MACROD2: variants seen among roughly 807,000 people sequenced by gnomAD.
The protein encoded by MACROD2 is mono-ADP ribosylhydrolase 2.
In MACROD2, 36 loss-of-function variants were observed where a neutral mutation model predicts 70.4. The observed-to-expected ratio is 0.51, with a 90% CI of 0.39 to 0.68. The LOEUF (loss-of-function observed/expected upper bound fraction) is 0.68. Ranked by LOEUF, MACROD2 falls within the 30% of genes least tolerant of loss-of-function variation. The probability of loss-of-function intolerance (pLI) is 0.00; values close to 1 mark genes in which losing one functional copy is unlikely to be tolerated. For missense variants in MACROD2, 496 were observed against 538.4 expected, an observed-to-expected ratio of 0.92 and a Z score of 0.78; for synonymous variants, 172 against 178.8, an observed-to-expected ratio of 0.96 and a Z score of 0.30.
chr20:14,328,626 C>T (rs1257327499), intron 3 of MACROD2, among the ~76,000 whole-genome samples: 1 of 152,068 alleles, frequency 6.6e-6, no homozygotes, highest in Non-Finnish European at 1.5e-5. Context: ...ATATCCAATG[C>T]ACATATATTA....
intron 7 of MACROD2, among the ~76,000 whole-genome samples, chr20:15,451,563 A>G (rs1242567761): frequency 2.6e-5 from 4 of 151,998 alleles, no homozygotes; most frequent in Non-Finnish European, 4.4e-5. Flanking sequence ...CTTTTTGCCA[A>G]GCAGTCTGAG....
intron 5 of MACROD2, among the ~76,000 whole-genome samples, chr20:14,811,692 G>A (rs533788841): frequency 1.3e-5 from 2 of 152,010 alleles, no homozygotes; most frequent in Admixed American, 6.6e-5. Flanking sequence ...CTGACAAAGG[G>A]CTAATATCCA....
At chr20:15,008,758 A>G (rs1313583520) in intron 5 of MACROD2, among the ~76,000 whole-genome samples, 4 of 152,182 alleles carry the variant, frequency 2.6e-5, no homozygotes, top group Middle Eastern at 3.2e-3. Flanking sequence ...GAGCCACTTT[A>G]TCTGTTCATT....
chr20:14,684,648 A>ACCACC (rs2070977501), intron 4 of MACROD2, among the ~76,000 whole-genome samples, 195 bp from the exon 5 acceptor site: 3 of 134,954 alleles, frequency 2.2e-5, no homozygotes, highest in South Asian at 2.4e-4. Flanking sequence ...ACATAACCTC[A>ACCACC]CCCCCCCCCC....
chr20:14,705,651 T>A (rs2065558), intron 5 of MACROD2, among the ~76,000 whole-genome samples: 1 of 152,052 alleles, frequency 6.6e-6, no homozygotes, highest in South Asian at 2.1e-4. Flanking sequence ...ACCTTTTGAC[T>A]AAATGGGCAG....
At chr20:15,919,082 C>A (rs1291530136) in intron 10 of MACROD2, among the ~76,000 whole-genome samples, 1 of 152,102 alleles carries the variant, frequency 6.6e-6, no homozygotes, top group African/African-American at 2.4e-5. Context: ...ATATTTTTTA[C>A]CAAACATATT....
intron 5 of MACROD2, among the ~76,000 whole-genome samples, chr20:14,846,970 T>C (rs2073148673): frequency 6.6e-6 from 1 of 152,166 alleles, no homozygotes; most frequent in Non-Finnish European, 1.5e-5. Context: ...TTTATAAAAG[T>C]TATGCCTTCA....
At chr20:15,309,741 C>A (rs183937476) in intron 6 of MACROD2, among the ~76,000 whole-genome samples, 1 of 151,910 alleles carries the variant, frequency 6.6e-6, no homozygotes, top group African/African-American at 2.4e-5. Flanking sequence ...TAGAGTATTA[C>A]GGGACCATGG....
At chr20:14,281,933 C>CA (rs571115190) in intron 3 of MACROD2, among the ~76,000 whole-genome samples, 64,367 of 96,410 alleles carry the variant, frequency 0.67, 20,608 homozygotes, top group Non-Finnish European at 0.74. Flanking sequence ...GACTCCCTCT[C>CA]AAAAAAAAAA....
chr20:15,239,824 G>T (rs2077045313), intron 6 of MACROD2, among the ~76,000 whole-genome samples: 1 of 152,312 alleles, frequency 6.6e-6, no homozygotes, highest in Admixed American at 6.5e-5. Flanking sequence ...CTCATTTTCT[G>T]GTTATGCTGT....
At chr20:15,834,284 G>A (rs2064088595) in intron 8 of MACROD2, among the ~76,000 whole-genome samples, 1 of 152,178 alleles carries the variant, frequency 6.6e-6, no homozygotes, top group Non-Finnish European at 1.5e-5. Flanking sequence ...AGGTTGCAGT[G>A]AGCTGAGATT....
At chr20:15,998,564 C>CTTTTTT (rs34750465) in intron 15 of MACROD2, among the ~76,000 whole-genome samples, 7 of 117,564 alleles carry the variant, frequency 6.0e-5, no homozygotes, top group Non-Finnish European at 8.9e-5. Flanking sequence ...TGAGTTCTCT[C>CTTTTTT]TTTTTTTTTT....
intron 8 of MACROD2, among the ~76,000 whole-genome samples, chr20:15,780,865 T>C (rs2051818971): frequency 6.6e-6 from 1 of 152,040 alleles, no homozygotes; most frequent in South Asian, 2.1e-4. Context: ...GCCCTCCTGG[T>C]TTCTGCTCTG....
At chr20:14,838,221 T>C (rs1474069627) in intron 5 of MACROD2, among the ~76,000 whole-genome samples, 2 of 152,106 alleles carry the variant, frequency 1.3e-5, no homozygotes, top group Admixed American at 1.3e-4. Flanking sequence ...CCCAGAAAGA[T>C]GTTGCAAATC....
chr20:16,022,496 T>G (rs1234263469), intron 15 of MACROD2, among the ~76,000 whole-genome samples: 1 of 152,232 alleles, frequency 6.6e-6, no homozygotes, highest in Non-Finnish European at 1.5e-5. Context: ...CCAATGACTC[T>G]CAAGCTTTTA....
intron 5 of MACROD2, among the ~76,000 whole-genome samples, chr20:15,156,394 G>A (rs1449876467): frequency 1.3e-5 from 2 of 152,152 alleles, no homozygotes; most frequent in Admixed American, 1.3e-4. Context: ...AGAAGCAGTA[G>A]CTTTCTTAAT....
At chr20:15,207,568 G>A (rs146577473) in intron 5 of MACROD2, among the ~76,000 whole-genome samples, 34 of 148,782 alleles carry the variant, frequency 2.3e-4, no homozygotes, top group East Asian at 2.1e-3. Context: ...TCAGCCTCCC[G>A]AGTAGCTGGG....
chr20:15,612,217 A>G (rs6135462), intron 8 of MACROD2, among the ~76,000 whole-genome samples: 23,770 of 152,168 alleles, frequency 0.16, 2,013 homozygotes, highest in Middle Eastern at 0.22. Context: ...AGCATGAGCC[A>G]TGCCGGCTCA....
intron 10 of MACROD2, among the ~76,000 whole-genome samples, chr20:15,911,859 T>C (rs2065242073): frequency 6.6e-6 from 1 of 152,146 alleles, no homozygotes; most frequent in Admixed American, 6.5e-5. Context: ...AAAATTTGCA[T>C]GTTGGGCGTG....
Sources: allele counts gnomAD v4.1 joint callset (sites outside exome capture counted in the v4.1 genomes callset), GRCh38; gene constraint gnomAD v4.1.1; transcripts MANE v1.5; gene names NCBI Gene and HGNC (gene_info 2026-07-23, HGNC 2026-07-21).